DRC11L: variants seen among roughly 807,000 people sequenced by gnomAD.
DRC11L encodes the protein dynein regulatory complex subunit 11 like.
chr7:151,191,837 G>C, the DRC11L span: 131 of 399,230 alleles, frequency 3.3e-4, no homozygotes, highest in Non-Finnish European at 4.9e-4. Context: ...GTGCTGGGTC[G>C]GCTGGATGCC....
the DRC11L span, chr7:151,194,196 G>C: frequency 7.5e-6 from 3 of 398,018 alleles, no homozygotes; most frequent in Middle Eastern, 6.3e-4. Context: ...CCTGACCCCA[G>C]CCCTCACCCC....
the DRC11L span, chr7:151,197,383 G>A: frequency 7.5e-6 from 3 of 398,812 alleles, no homozygotes; most frequent in Non-Finnish European, 1.3e-5. Context: ...TTACAGAAGA[G>A]AGCCCTGGGT....
chr7:151,201,158 C>A, the DRC11L span, among the ~76,000 whole-genome samples: 1 of 152,274 alleles, frequency 6.6e-6, no homozygotes, highest in South Asian at 2.1e-4. The surrounding 1 kb of genome is among the most constrained non-coding windows in gnomAD (Gnocchi z 4.1). Context: ...GGGCCCGGGC[C>A]AGCCAGTGCT....
At chr7:151,193,139 C>A in the DRC11L span, 17 of 397,858 alleles carry the variant, frequency 4.3e-5, no homozygotes, top group South Asian at 1.6e-3. Flanking sequence ...CAGGGGGAAC[C>A]CAAGCTCCTA....
At chr7:151,199,458 C>T in the DRC11L span, among the ~76,000 whole-genome samples, 6 of 152,326 alleles carry the variant, frequency 3.9e-5, no homozygotes, top group Middle Eastern at 0.014. This position sits in a 1 kb window ranked among gnomAD's most constrained non-coding sequence, Gnocchi z 5.2. Context: ...CCCGGGCGGC[C>T]GGGCTCATTC....
At chr7:151,203,190 A>T in the DRC11L span, 3 of 398,586 alleles carry the variant, frequency 7.5e-6, no homozygotes, top group Non-Finnish European at 1.3e-5. Context: ...AGGATGCACC[A>T]GGACACCATC....
chr7:151,193,374 G>T, the DRC11L span: 1 of 399,642 alleles, frequency 2.5e-6, no homozygotes, highest in Non-Finnish European at 4.4e-6. Context: ...AGGTCGAACA[G>T]GTTGGCGCCA....
the DRC11L span, among the ~76,000 whole-genome samples, chr7:151,202,340 A>G: frequency 6.6e-6 from 1 of 152,112 alleles, no homozygotes; most frequent in Admixed American, 6.5e-5. Context: ...GATACATTTT[A>G]GTGGCTCATT....
At chr7:151,202,194 T>A in the DRC11L span, among the ~76,000 whole-genome samples, 1 of 152,166 alleles carries the variant, frequency 6.6e-6, no homozygotes, top group Non-Finnish European at 1.5e-5. Context: ...TCAGATCACA[T>A]CAGTTATCAA....
the DRC11L span, chr7:151,197,680 C>T: frequency 8.4e-5 from 33 of 392,122 alleles, no homozygotes; most frequent in African/African-American, 3.1e-4. Flanking sequence ...TTCCCCATGC[C>T]GTCTTTCTAG....
At chr7:151,199,923 G>A in the DRC11L span, among the ~76,000 whole-genome samples, 2 of 148,172 alleles carry the variant, frequency 1.3e-5, no homozygotes, top group Non-Finnish European at 2.9e-5. This position sits in a 1 kb window ranked among gnomAD's most constrained non-coding sequence, Gnocchi z 5.2. Flanking sequence ...CCAGGCACAC[G>A]TGTGTGCACA....
At chr7:151,194,524 T>C in the DRC11L span, 1 of 399,242 alleles carries the variant, frequency 2.5e-6, no homozygotes, top group Non-Finnish European at 4.4e-6. Flanking sequence ...ACCTATGTAG[T>C]CTTTCAATGC....
chr7:151,204,902 G>A, the DRC11L span: 2 of 399,038 alleles, frequency 5.0e-6, no homozygotes, highest in Non-Finnish European at 8.8e-6. Flanking sequence ...GGAGCAGCCT[G>A]GCCTTTTGAG....
At chr7:151,203,210 T>C in the DRC11L span, 3 of 397,576 alleles carry the variant, frequency 7.5e-6, no homozygotes, top group African/African-American at 4.1e-5. Flanking sequence ...CCTCCCAGAG[T>C]ATCTGGGAGG....
At chr7:151,191,780 C>T in the DRC11L span, 1 of 399,186 alleles carries the variant, frequency 2.5e-6, no homozygotes, top group Non-Finnish European at 4.4e-6. Flanking sequence ...GAGAATGTGA[C>T]CCGGCGTGTA....
At chr7:151,191,849 CG>C in the DRC11L span, 1 of 399,070 alleles carries the variant, frequency 2.5e-6, no homozygotes, top group South Asian at 1.3e-4. Context: ...CTGGATGCCC[CG>C]GGCCTCTATC....
the DRC11L span, among the ~76,000 whole-genome samples, chr7:151,203,711 G>A: frequency 6.6e-6 from 1 of 152,108 alleles, no homozygotes; most frequent in African/African-American, 2.4e-5. Context: ...TCCTCTGGCT[G>A]GAGTTGAATT....
chr7:151,203,503 C>A, the DRC11L span: 1 of 399,104 alleles, frequency 2.5e-6, no homozygotes. Context: ...GGATTGGAAC[C>A]TCCAGGTCAG....
chr7:151,195,595 T>C, the DRC11L span: 2 of 367,402 alleles, frequency 5.4e-6, no homozygotes, highest in East Asian at 7.2e-5. Flanking sequence ...CTCAGGGGTC[T>C]TTCTTCCTCC....
Sources: gnomAD v4.1 joint callset for allele counts (sites outside exome capture counted in the v4.1 genomes callset) on GRCh38, gnomAD v4.1.1 for gene constraint, Gnocchi (gnomAD v3.1) non-coding constraint, MANE v1.5 for transcripts, NCBI Gene and HGNC (gene_info 2026-07-23, HGNC 2026-07-21) for gene names.